Variants in PTPRA observed in about 807,000 individuals in gnomAD.
PTPRA encodes receptor-type tyrosine-protein phosphatase alpha.
A neutral mutation model predicts 104.8 loss-of-function variants in PTPRA; 25 were observed. The observed-to-expected ratio is 0.24, with a 90% CI of 0.17 to 0.33. PTPRA has a LOEUF of 0.33. Ranked by LOEUF, PTPRA falls within the 10% of genes least tolerant of loss-of-function variation. PTPRA has a pLI of 1.00. For missense variants in PTPRA, 765 were observed against 1,015.3 expected (o/e 0.75, Z 3.35); for synonymous variants, 323 against 368.9 (o/e 0.88, Z 1.43).
rs1337998705 is a variant in PTPRA, at chr20:2,883,613, C to T, written c.-129+9853C>T. Among the ~76,000 whole-genome samples, 2 of 20,370 alleles carry T rather than the reference C, an allele frequency of 9.8e-5. 1 individual carries two copies. The highest frequency in any genetic ancestry group is 1.3e-4 in the Non-Finnish European group (2 of 15,486). The allele number at this position is 20,370 out of a possible 152,430, so 13.4% of individuals were successfully genotyped here. A position where few individuals can be genotyped will look rare whatever the true frequency, so the allele number is the denominator to read the frequency against. On this transcript the variant is annotated intron_variant, in intron 1 of 23. Coordinates refer to ENST00000399903, the MANE Select transcript of PTPRA (RefSeq NM_001385305.1). ...CTTGCAGTGAGCCGAGATCGCGCCA[C>T]TGCACTCCAGCCTGGGCGACAGAGC...
intron 1 of PTPRA, among the ~76,000 whole-genome samples, chr20:2,915,327 A>G (rs1217766801): frequency 6.6e-6 from 1 of 152,210 alleles, no homozygotes; most frequent in Non-Finnish European, 1.5e-5. Context: ...TATTCATCCA[A>G]TAATGGGCAT....
At chr20:2,866,016 G>A in the PTPRA span, 1 of 603,752 alleles carries the variant, frequency 1.7e-6, no homozygotes, top group Admixed American at 2.8e-5. Context: ...ACAGAGCTTT[G>A]GTTTAGGTGA....
intron 20 of PTPRA, among the ~76,000 whole-genome samples, chr20:3,034,906 G>A (rs956610808): frequency 1.3e-5 from 2 of 152,126 alleles, no homozygotes; most frequent in African/African-American, 4.8e-5. Flanking sequence ...TGCAGACATT[G>A]AACAAATTCA....
At chr20:3,029,286 C>T (rs771103869) in intron 20 of PTPRA, among the ~76,000 whole-genome samples, 3 of 151,636 alleles carry the variant, frequency 2.0e-5, no homozygotes, top group Non-Finnish European at 4.4e-5. Context: ...ACTAAAGGCA[C>T]GTGCCACCAT....
In PTPRA at chr20:2,910,328, ATATATAATATATTTTG is replaced by A. The variant is rs1424478118; in HGVS notation, c.-128-12873_-128-12858del. ...TTTTATATATTATAATATATATTTT[ATATATAATATATTTTG>A]TATATTATATATTTTATATATAATA... On this transcript the variant is annotated intron_variant, in intron 1 of 23. Transcript: ENST00000399903. 4.6e-5 allele frequency among the ~76,000 whole-genome samples: 6 copies of A among 129,654 alleles called. No individual in the cohort carries two copies. The East Asian group carries it at 1.2e-3, about 26-fold the overall frequency. The allele number at this position is 129,654 out of a possible 152,430, so 85.1% of individuals were successfully genotyped here.
In PTPRA at chr20:2,964,928, C is replaced by T. The variant is rs775353797; in HGVS notation, c.141C>T (p.Ala47=). The T allele has an allele frequency of 6.2e-7, 1 of 1,613,912 alleles. No homozygotes were observed. The highest frequency in any genetic ancestry group is 1.1e-5 in the South Asian group (1 of 91,084). The change falls in exon 5 of 24, where the codon GCC becomes GCT. Residue 47 remains alanine (A), a synonymous_variant. Transcript: ENST00000399903. ...SSTAEPVKEE[A]KTSNPTSSLT... is the part of the protein sequence containing the mutation. ...CGGCAGAACCAGTTAAAGAAGAGGC[C>T]AAAACTTCAAATCCAACTTCTTCAC... is the stretch of plus-strand genomic sequence containing the variant.
chr20:2,982,926 T>A (rs1266240123), intron 6 of PTPRA, among the ~76,000 whole-genome samples: 1 of 151,976 alleles, frequency 6.6e-6, no homozygotes, highest in Non-Finnish European at 1.5e-5. Context: ...TCTCGAATTC[T>A]TGACCTCATG....
chr20:2,967,129 C>T (rs1317486195), intron 5 of PTPRA, among the ~76,000 whole-genome samples: 7 of 152,182 alleles, frequency 4.6e-5, no homozygotes, highest in African/African-American at 1.7e-4. Context: ...TGTTTTAGAT[C>T]TCAAGGCTGA....
intron 3 of PTPRA, among the ~76,000 whole-genome samples, chr20:2,954,218 C>G (rs962983264): frequency 6.6e-6 from 1 of 151,728 alleles, no homozygotes; most frequent in East Asian, 1.9e-4. Flanking sequence ...GCTGGGATTA[C>G]AGGCGCCCGC....
At chr20:2,935,539 C>T (rs1399233706) in intron 2 of PTPRA, among the ~76,000 whole-genome samples, 1 of 152,166 alleles carries the variant, frequency 6.6e-6, no homozygotes, top group Non-Finnish European at 1.5e-5. Context: ...ATTACTGAAT[C>T]ATATAGTAGT....
intron 2 of PTPRA, among the ~76,000 whole-genome samples, chr20:2,937,595 T>A (rs992594865): frequency 6.6e-6 from 1 of 152,190 alleles, no homozygotes; most frequent in Non-Finnish European, 1.5e-5. Context: ...AATAAACATA[T>A]ATATATGCAT....
At chr20:2,937,615 ATG>A (rs2060755176) in intron 2 of PTPRA, among the ~76,000 whole-genome samples, 1 of 152,198 alleles carries the variant, frequency 6.6e-6, no homozygotes, top group South Asian at 2.1e-4. Flanking sequence ...TAACATATAT[ATG>A]GATATATGCA....
Position 3,035,802 on chromosome 20 carries a change from C to T in PTPRA, c.2059C>T (p.Arg687Trp), listed in dbSNP as rs575162120. The change falls in exon 22 of 24, where the codon CGG (arginine) becomes TGG (tryptophan). Residue 687 changes from arginine to tryptophan, a missense_variant. This residue lies in a region of PTPRA where 192 missense variants were observed against 227.0 expected (regional missense o/e 0.85). Coordinates refer to ENST00000399903, the MANE Select transcript of PTPRA (RefSeq NM_001385305.1). This position sits in a 1 kb window ranked among gnomAD's most constrained non-coding sequence, Gnocchi z 5.8. ...LVTNTRENKS[R>W]QIRQFHFHGW... ...CTTTTTTCCAAAGGAGAATAAGAGCCGGCAGATCCGGCAGTTCCACTTCCA... is the reference window on the plus strand; with the variant it reads ...CTTTTTTCCAAAGGAGAATAAGAGCTGGCAGATCCGGCAGTTCCACTTCCA... The T allele has an allele frequency of 6.2e-6, 10 of 1,614,148 alleles. No homozygotes were observed. Among genetic ancestry groups the T allele is most frequent in the East Asian group, 2.2e-5 (1 of 44,886 alleles).
Position 3,022,059 on chromosome 20 carries a change from C to A in PTPRA, c.1167C>A (p.Gly389=). 1 of 1,614,056 alleles carries A rather than the reference C, an allele frequency of 6.2e-7. No individual in the cohort carries two copies. The highest frequency in any genetic ancestry group is 1.1e-5 in the South Asian group (1 of 91,066). The change falls in exon 15 of 24, where the codon GGC becomes GGA. Residue 389 remains glycine (G), a synonymous_variant. Transcript: ENST00000399903. This position sits in a 1 kb window ranked among gnomAD's most constrained non-coding sequence, Gnocchi z 4.6. ...TVRKFCIQQV[G]DMTNRKPQRL... is the part of the protein sequence containing the mutation. The stretch of plus-strand genomic sequence containing the variant: ...AGGATCTCCTCACTTCACAGGTGGG[C>A]GACATGACCAACAGAAAGCCACAGC...
At chr20:3,000,571 A>G (rs932618132) in intron 9 of PTPRA, among the ~76,000 whole-genome samples, 1 of 152,216 alleles carries the variant, frequency 6.6e-6, no homozygotes, top group Non-Finnish European at 1.5e-5. Flanking sequence ...ATTCTTGCAC[A>G]TATGCACAAG....
At chr20:2,889,729 GTTA>G (rs1364560312) in intron 1 of PTPRA, among the ~76,000 whole-genome samples, 1 of 152,136 alleles carries the variant, frequency 6.6e-6, no homozygotes, top group East Asian at 1.9e-4. Context: ...TCATGATACA[GTTA>G]TTATTGGTCA....
At chr20:2,998,183 A>G (rs2063479554) in intron 9 of PTPRA, among the ~76,000 whole-genome samples, 1 of 152,078 alleles carries the variant, frequency 6.6e-6, no homozygotes, top group Non-Finnish European at 1.5e-5. Context: ...GTCTCAAAAA[A>G]AAAAAAAAAA....
intron 1 of PTPRA, among the ~76,000 whole-genome samples, chr20:2,874,837 TAG>T (rs2069536958): frequency 6.6e-6 from 1 of 152,228 alleles, no homozygotes; most frequent in South Asian, 2.1e-4. Flanking sequence ...CCTTTACTTT[TAG>T]CCTAATCGGA....
chr20:2,870,738 C>T (rs1250761105), upstream of PTPRA, among the ~76,000 whole-genome samples: 3 of 152,312 alleles, frequency 2.0e-5, no homozygotes, highest in South Asian at 2.1e-4. Context: ...CTCTCCTGAT[C>T]CTCTCCTTTG....
Sources: allele counts gnomAD v4.1 joint callset (sites outside exome capture counted in the v4.1 genomes callset), GRCh38; gene constraint gnomAD v4.1.1; regional missense constraint gnomAD v4.1.1; non-coding constraint Gnocchi (gnomAD v3.1); transcripts MANE v1.5; gene names NCBI Gene and HGNC (gene_info 2026-07-23, HGNC 2026-07-21).